Variants in KCNK3 observed in about 807,000 individuals in gnomAD.
KCNK3 encodes potassium two pore domain channel subfamily K member 3.
A neutral mutation model predicts 27.3 loss-of-function variants in KCNK3; 9 were observed. That is an observed-to-expected ratio of 0.33 (90% CI 0.20 to 0.57). KCNK3 has a LOEUF of 0.57. Among genes scored for constraint, KCNK3 ranks in the 20% least tolerant of loss-of-function variants. The probability of loss-of-function intolerance (pLI) is 0.87; values close to 1 mark genes in which losing one functional copy is unlikely to be tolerated. For synonymous variants in KCNK3, 278 were observed against 273.8 expected, an observed-to-expected ratio of 1.02 and a Z score of -0.15; for missense variants, 391 against 577.7, an observed-to-expected ratio of 0.68 and a Z score of 3.31.
chr2:26,700,908 G>A (rs1670300237), intron 1 of KCNK3, among the ~76,000 whole-genome samples: 1 of 151,148 alleles, frequency 6.6e-6, no homozygotes, highest in South Asian at 2.1e-4. Flanking sequence ...GCAGTCCACA[G>A]AGGGAACTGA....
chr2:26,721,110 G>C lies in KCNK3; in HGVS notation c.284-6557G>C, dbSNP rs144424178. Among the ~76,000 whole-genome samples, 2,748 of 152,234 alleles carry C rather than the reference G, an allele frequency of 0.018. 301 individuals carry two copies. Among genetic ancestry groups the C allele is most frequent in the Admixed American group, 0.17 (2,529 of 15,282 alleles). ...GGGGTGGTTTCTCATCACCATCCCAGACCTCAGAGTCCTTCAGAACTGGAG... is the reference window on the plus strand; with the variant it reads ...GGGGTGGTTTCTCATCACCATCCCACACCTCAGAGTCCTTCAGAACTGGAG... On this transcript the variant is annotated intron_variant, in intron 1 of 1. Coordinates refer to ENST00000302909, the MANE Select transcript of KCNK3 (RefSeq NM_002246.3). The surrounding 1 kb of genome is among the most constrained non-coding windows in gnomAD (Gnocchi z 4.3).
At chr2:26,703,267 C>A (rs757103348) in intron 1 of KCNK3, among the ~76,000 whole-genome samples, 5 of 152,152 alleles carry the variant, frequency 3.3e-5, no homozygotes, top group Non-Finnish European at 5.9e-5. Context: ...AGAATAATCT[C>A]CCAAACTTAA....
intron 1 of KCNK3, among the ~76,000 whole-genome samples, chr2:26,723,270 C>T (rs544024426): frequency 7.9e-5 from 12 of 152,348 alleles, no homozygotes; most frequent in Admixed American, 7.8e-4. Flanking sequence ...ACTCCCACAC[C>T]ACCATCCCCA....
At chr2:26,712,271 G>T (rs1663132700) in intron 1 of KCNK3, among the ~76,000 whole-genome samples, 1 of 152,184 alleles carries the variant, frequency 6.6e-6, no homozygotes, top group African/African-American at 2.4e-5. Flanking sequence ...CGAGGATGGG[G>T]ACAACTGTTT....
chr2:26,726,102 C>CAGAGAGAGAGAGAGAGAGAGAG (rs775668682), intron 1 of KCNK3, among the ~76,000 whole-genome samples: 1 of 136,142 alleles, frequency 7.3e-6, no homozygotes, highest in African/African-American at 2.8e-5. Context: ...CACACACACA[C>CAGAGAGAGAGAGAGAGAGAGAG]ACACAGAGAG....
intron 1 of KCNK3, among the ~76,000 whole-genome samples, chr2:26,703,623 G>A (rs978603269): frequency 2.0e-5 from 3 of 152,190 alleles, no homozygotes; most frequent in African/African-American, 7.2e-5. Context: ...AAGATCATTT[G>A]AGATGTCCCG....
chr2:26,728,030 C>A lies in KCNK3; in HGVS notation c.647C>A (p.Thr216Lys). The change falls in exon 2 of 2, where the codon ACG (threonine) becomes AAG (lysine). Residue 216 changes from threonine to lysine, a missense_variant. Transcript: ENST00000302909. Reference sequence around the variant, plus strand: ...CTGCAGAAGGACCAGGCCCTGCAGACGCAGCCGCAGTACGTGGCCTTCAGC... The same window carrying A: ...CTGCAGAAGGACCAGGCCCTGCAGAAGCAGCCGCAGTACGTGGCCTTCAGC... ...VALQKDQALQ[T>K]QPQYVAFSFV... The A allele has an allele frequency of 1.2e-6, 2 of 1,614,222 alleles. No homozygotes were observed. Among genetic ancestry groups the A allele is most frequent in the Non-Finnish European group, 1.7e-6 (2 of 1,180,022 alleles).
rs773773071 is a variant in KCNK3, at chr2:26,728,480, C to T, written c.1097C>T (p.Ala366Val). Residue 366 changes from alanine (A) to valine (V), a missense_variant, in exon 2 of 2, where the codon GCG becomes GTG. Ala to Val is a moderately conservative substitution (Grantham distance 64). Around this residue, in one of 4 missense-constraint regions of KCNK3, gnomAD observed 192 missense variants for 196.0 expected, o/e 0.98. Coordinates refer to ENST00000302909, the MANE Select transcript of KCNK3 (RefSeq NM_002246.3). ...TPSRRCLCSG[A>V]PRSAISSVST... ...TCGCGACGCTGCCTGTGCAGCGGGG[C>T]GCCACGCTCCGCCATCAGCTCGGTG... 26 of 1,539,836 alleles carry T rather than the reference C, an allele frequency of 1.7e-5. No homozygotes were observed. Among genetic ancestry groups the T allele is most frequent in the Non-Finnish European group, 2.2e-5 (25 of 1,140,610 alleles).
rs34004783 is a variant in KCNK3, at chr2:26,693,978, C to G, written c.283+820C>G. On this transcript the variant is annotated intron_variant, in intron 1 of 1. Coordinates refer to ENST00000302909, the MANE Select transcript of KCNK3 (RefSeq NM_002246.3). This position sits in a 1 kb window ranked among gnomAD's most constrained non-coding sequence, Gnocchi z 5.5. The stretch of plus-strand genomic sequence containing the variant: ...GGGCGGGCACACACACACACACACA[C>G]AGAGAGAGAGACAGAGAGAGAGAGA... Among the ~76,000 whole-genome samples, 94,135 of 150,436 alleles carry G rather than the reference C, an allele frequency of 0.63. 29,863 individuals are homozygous for G. The highest frequency in any genetic ancestry group is 0.72 in the Admixed American group (10,922 of 15,156).
At chr2:26,707,577 C>T (rs189599594) in intron 1 of KCNK3, among the ~76,000 whole-genome samples, 182 of 152,312 alleles carry the variant, frequency 1.2e-3, no homozygotes, top group Non-Finnish European at 2.0e-3. Flanking sequence ...GGTTTGATCA[C>T]TCAGAATGTT....
At chr2:26,697,308 C>T (rs980327067) in intron 1 of KCNK3, among the ~76,000 whole-genome samples, 4 of 152,172 alleles carry the variant, frequency 2.6e-5, no homozygotes, top group African/African-American at 9.7e-5. Context: ...AGGTCCAGAC[C>T]AGCCCGGACA....
intron 1 of KCNK3, among the ~76,000 whole-genome samples, chr2:26,725,961 G>A (rs569207618): frequency 6.6e-6 from 1 of 152,248 alleles, no homozygotes; most frequent in African/African-American, 2.4e-5. Flanking sequence ...TAGGTACCAG[G>A]CTCTGGGCTA....
chr2:26,730,600 A>C lies in KCNK3; in HGVS notation c.*2032A>C, dbSNP rs1270521434. 6.6e-6 allele frequency: 1 copy of C among 152,362 alleles called. No individual in the cohort carries two copies. Among genetic ancestry groups the C allele is most frequent in the East Asian group, 1.9e-4 (1 of 5,156 alleles). 9.4% of individuals were successfully genotyped at this position (152,362 alleles called of 1,614,324 possible). ...GCATTCAGGGAAATTGGAGGGCAGC[A>C]CCCGTAGGGTGGCCAGCCTCAGGCC... On this transcript the variant is annotated 3_prime_UTR_variant, in exon 2 of 2. Transcript: ENST00000302909.
Position 26,730,455 on chromosome 2 carries a change from G to A in KCNK3, c.*1887G>A, listed in dbSNP as rs1663515527. Reference sequence around the variant, plus strand: ...TCACTTTTGGGGCCCCACAGCTGGAGCCGGTATAATGACTGGGACAACATC... The same window carrying A: ...TCACTTTTGGGGCCCCACAGCTGGAACCGGTATAATGACTGGGACAACATC... On this transcript the variant is annotated 3_prime_UTR_variant, in exon 2 of 2. Coordinates refer to ENST00000302909, the MANE Select transcript of KCNK3 (RefSeq NM_002246.3). 1 of 152,312 alleles carries A rather than the reference G, an allele frequency of 6.6e-6. No homozygotes were observed. The allele number at this position is 152,312 out of a possible 1,614,324, so 9.4% of individuals were successfully genotyped here.
rs141172243 is a variant in KCNK3, at chr2:26,715,842, G to A, written c.284-11825G>A. On this transcript the variant is annotated intron_variant, in intron 1 of 1. Coordinates refer to ENST00000302909, the MANE Select transcript of KCNK3 (RefSeq NM_002246.3). Reference sequence around the variant, plus strand: ...CTGATCAGTGCCCACCAGGACTGTCGGTCTGGCATACACCCAAATGCCCAG... The same window carrying A: ...CTGATCAGTGCCCACCAGGACTGTCAGTCTGGCATACACCCAAATGCCCAG... 4.6e-5 allele frequency among the ~76,000 whole-genome samples: 7 copies of A among 152,292 alleles called. No individual in the cohort carries two copies. In the East Asian group the frequency reaches 9.6e-4, roughly 21 times the overall value.
rs1032925112 is a variant in KCNK3, at chr2:26,730,641, C to T, written c.*2073C>T. ...GCCTCAGGCCCCACCCCAGCTGTGT[C>T]CTCTAGTCTCTGGGGACCCCTGGGG... On this transcript the variant is annotated 3_prime_UTR_variant, in exon 2 of 2. Transcript: ENST00000302909. The T allele has an allele frequency of 6.6e-6, 1 of 152,382 alleles. No homozygotes were observed. Among genetic ancestry groups the T allele is most frequent in the African/African-American group, 2.4e-5 (1 of 41,460 alleles). 9.4% of individuals were successfully genotyped at this position (152,382 alleles called of 1,614,324 possible). A position where few individuals can be genotyped will look rare whatever the true frequency, so the allele number is the denominator to read the frequency against.
At chr2:26,710,734 C>G (rs890744301) in intron 1 of KCNK3, among the ~76,000 whole-genome samples, 2 of 152,114 alleles carry the variant, frequency 1.3e-5, no homozygotes, top group Non-Finnish European at 2.9e-5. Context: ...ATTCTGAGGC[C>G]CTGCTGCTCC....
intron 1 of KCNK3, among the ~76,000 whole-genome samples, chr2:26,713,943 G>A (rs1196048739): frequency 6.6e-6 from 1 of 151,294 alleles, no homozygotes; most frequent in Non-Finnish European, 1.5e-5. Context: ...AGGCGTGGTA[G>A]TGGGCACCTG....
chr2:26,716,973 G>T (rs1205755659), intron 1 of KCNK3, among the ~76,000 whole-genome samples: 1 of 152,156 alleles, frequency 6.6e-6, no homozygotes, highest in African/African-American at 2.4e-5. Context: ...CACTAAATTT[G>T]CCATGCCCAT....
Sources: allele counts gnomAD v4.1 joint callset (sites outside exome capture counted in the v4.1 genomes callset), GRCh38; gene constraint gnomAD v4.1.1; regional missense constraint gnomAD v4.1.1; non-coding constraint Gnocchi (gnomAD v3.1); transcripts MANE v1.5; gene names NCBI Gene and HGNC (gene_info 2026-07-23, HGNC 2026-07-21).